NR3C2: variants seen among roughly 807,000 people sequenced by gnomAD.
The protein encoded by NR3C2 is nuclear receptor subfamily 3 group C member 2.
NR3C2 carries 15 observed loss-of-function variants against 86.4 expected under a neutral mutation model. The observed-to-expected ratio is 0.17, with a 90% CI of 0.12 to 0.27. NR3C2 has a LOEUF of 0.27. Ranked by LOEUF, NR3C2 falls within the 10% of genes least tolerant of loss-of-function variation. The probability of loss-of-function intolerance (pLI) is 1.00; values close to 1 mark genes in which losing one functional copy is unlikely to be tolerated. For synonymous variants in NR3C2, 458 were observed against 450.5 expected, an observed-to-expected ratio of 1.02 and a Z score of -0.21; for missense variants, 960 against 1,195.6, an observed-to-expected ratio of 0.80 and a Z score of 2.91.
chr4:148,301,692 G>A (rs187927758), intron 2 of NR3C2, among the ~76,000 whole-genome samples: 56 of 152,218 alleles, frequency 3.7e-4, no homozygotes, highest in African/African-American at 1.3e-3. Flanking sequence ...AATAACTTAT[G>A]GTAATCTGGA....
chr4:148,296,877 G>C (rs61760334), intron 2 of NR3C2, among the ~76,000 whole-genome samples: 1 of 152,128 alleles, frequency 6.6e-6, no homozygotes, highest in East Asian at 1.9e-4. Context: ...GCACTTTCTA[G>C]TATATAAATA....
In NR3C2 at chr4:148,154,798, T is replaced by G. The variant is rs1479149968; in HGVS notation, c.2118A>C (p.Glu706Asp). 1.2e-5 allele frequency: 12 copies of G among 1,025,582 alleles called. No homozygotes were observed. The highest frequency in any genetic ancestry group is 1.7e-5 in the Non-Finnish European group (12 of 717,858). 63.5% of individuals were successfully genotyped at this position (1,025,582 alleles called of 1,614,324 possible). A position where few individuals can be genotyped will look rare whatever the true frequency, so the allele number is the denominator to read the frequency against. ...TTGCAGGAGCGATGTACGTTGTCCC[T>G]TCCTCTGGGCTTTGCGGGGGTGGGG... is the stretch of plus-strand genomic sequence containing the variant. The part of the protein sequence containing the change: ...PPPPPPQSPE[E>D]GTTYIAPAKE... Residue 706 changes from glutamate to aspartate, a missense_variant, in exon 5 of 9, where the codon GAA (glutamate) becomes GAC (aspartate). Transcript: ENST00000358102.
chr4:148,333,441 C>T (rs1744325261), intron 2 of NR3C2, among the ~76,000 whole-genome samples: 1 of 152,158 alleles, frequency 6.6e-6, no homozygotes, highest in Admixed American at 6.5e-5. Flanking sequence ...ACTACATTTA[C>T]CAGTTTCCTT....
chr4:148,136,332 A>G (rs1733341759), intron 6 of NR3C2, among the ~76,000 whole-genome samples: 1 of 151,660 alleles, frequency 6.6e-6, no homozygotes, highest in Non-Finnish European at 1.5e-5. Context: ...GAGAGGAGAA[A>G]GAGTGGGGGA....
chr4:148,237,250 C>G (rs1269790483), intron 3 of NR3C2, among the ~76,000 whole-genome samples: 3 of 152,116 alleles, frequency 2.0e-5, no homozygotes, highest in Non-Finnish European at 1.5e-5. Context: ...GAGACAGTGC[C>G]AAGAACCTTT....
intron 8 of NR3C2, among the ~76,000 whole-genome samples, chr4:148,111,067 G>A (rs1732025926): frequency 6.6e-6 from 1 of 152,160 alleles, no homozygotes; most frequent in African/African-American, 2.4e-5. Context: ...CACGCTGGGA[G>A]AAAATACTTA....
intron 2 of NR3C2, among the ~76,000 whole-genome samples, chr4:148,272,897 C>A (rs72655264): frequency 1.3e-5 from 2 of 152,072 alleles, no homozygotes; most frequent in Non-Finnish European, 2.9e-5. Flanking sequence ...CTTCAGTATA[C>A]CTATAAATAG....
intron 8 of NR3C2, among the ~76,000 whole-genome samples, chr4:148,088,578 G>A (rs528042559): frequency 1.6e-5 from 2 of 128,850 alleles, no homozygotes; most frequent in Admixed American, 1.4e-4. Context: ...CATGGATGAA[G>A]CTGGAAACCA....
chr4:148,144,910 A>G (rs1733794125), intron 6 of NR3C2, among the ~76,000 whole-genome samples: 1 of 152,214 alleles, frequency 6.6e-6, no homozygotes, highest in African/African-American at 2.4e-5. Flanking sequence ...AGGAATGAAG[A>G]GAGCCAGATG....
chr4:148,079,810 G>A lies in NR3C2; in HGVS notation c.*1534C>T, dbSNP rs545415114. ...AAAATCTAAAACCCCTCTATCTCCC[G>A]GTCTCCATGCCATTCAGACTGAACC... On this transcript the variant is annotated 3_prime_UTR_variant, in exon 9 of 9. Coordinates refer to ENST00000358102, the MANE Select transcript of NR3C2 (RefSeq NM_000901.5). The A allele has an allele frequency of 3.9e-5, 6 of 152,240 alleles. No homozygotes were observed. The East Asian group carries it at 7.7e-4, about 20-fold the overall frequency. 9.4% of individuals were successfully genotyped at this position (152,240 alleles called of 1,614,324 possible).
intron 2 of NR3C2, among the ~76,000 whole-genome samples, chr4:148,378,373 C>T (rs980123547): frequency 6.6e-6 from 1 of 150,430 alleles, no homozygotes; most frequent in African/African-American, 2.5e-5. Context: ...CCCACACCCA[C>T]CTCCACCAAA....
At chr4:148,375,700 T>C (rs1746642532) in intron 2 of NR3C2, among the ~76,000 whole-genome samples, 1 of 152,042 alleles carries the variant, frequency 6.6e-6, no homozygotes, top group African/African-American at 2.4e-5. Flanking sequence ...TTTCCAAGCT[T>C]TTTCTTGAAT....
chr4:148,183,572 G>A (rs1297355694), intron 4 of NR3C2, among the ~76,000 whole-genome samples: 1 of 152,168 alleles, frequency 6.6e-6, no homozygotes, highest in Non-Finnish European at 1.5e-5. Context: ...CTGATGACCA[G>A]TGATGATGAT....
intron 2 of NR3C2, among the ~76,000 whole-genome samples, chr4:148,261,275 TATGGTAAGC>T: frequency 2.3e-5 from 1 of 43,604 alleles, no homozygotes; most frequent in African/African-American, 5.1e-5. Context: ...TATGGTGCAC[TATGGTAAGC>T]GCTATGGTAA....
intron 4 of NR3C2, among the ~76,000 whole-genome samples, chr4:148,167,719 A>G (rs1462541629): frequency 2.6e-5 from 4 of 152,202 alleles, no homozygotes; most frequent in Non-Finnish European, 4.4e-5. Flanking sequence ...CTGACCCTCT[A>G]TACCAGGTTA....
intron 2 of NR3C2, among the ~76,000 whole-genome samples, chr4:148,328,423 G>A (rs556549140): frequency 6.6e-6 from 1 of 152,250 alleles, no homozygotes; most frequent in East Asian, 1.9e-4. Context: ...TGTTCAAAAG[G>A]GAGAAAAGAT....
At chr4:148,171,704 T>C (rs1735135225) in intron 4 of NR3C2, among the ~76,000 whole-genome samples, 1 of 152,206 alleles carries the variant, frequency 6.6e-6, no homozygotes, top group Non-Finnish European at 1.5e-5. Flanking sequence ...GGACCCAGTA[T>C]TGCTGCCTTA....
intron 2 of NR3C2, among the ~76,000 whole-genome samples, chr4:148,304,387 C>T (rs1264204751): frequency 4.7e-5 from 6 of 128,512 alleles, no homozygotes; most frequent in African/African-American, 1.7e-4. Flanking sequence ...TCTCCCTGTA[C>T]AAACTGGTAA....
At chr4:148,408,402 G>C (rs1299094010) in intron 2 of NR3C2, among the ~76,000 whole-genome samples, 1 of 152,108 alleles carries the variant, frequency 6.6e-6, no homozygotes, top group Non-Finnish European at 1.5e-5. Flanking sequence ...ATAGAGGTAG[G>C]TTCTCTAAAA....
Sources: allele counts gnomAD v4.1 joint callset (sites outside exome capture counted in the v4.1 genomes callset), GRCh38; gene constraint gnomAD v4.1.1; transcripts MANE v1.5; gene names NCBI Gene and HGNC (gene_info 2026-07-23, HGNC 2026-07-21).